NRG4: variants seen among roughly 807,000 people sequenced by gnomAD.
NRG4 encodes neuregulin 4, also known as pro-neuregulin-4, membrane-bound isoform.
Under a neutral mutation model 15.0 loss-of-function variants are expected in NRG4, and 10 were observed. That is an observed-to-expected ratio of 0.67 (90% CI 0.41 to 1.13). The LOEUF is 1.13. Among genes scored for constraint, NRG4 ranks in the 50% most tolerant of loss-of-function variants. The probability of loss-of-function intolerance (pLI) is 0.00; values close to 1 mark genes in which losing one functional copy is unlikely to be tolerated. For missense variants in NRG4, 139 were observed against 140.2 expected (o/e 0.99, Z 0.04); for synonymous variants, 41 against 50.1 (o/e 0.82, Z 0.77).
intron 2 of NRG4, among the ~76,000 whole-genome samples, chr15:76,055,152 G>C (rs60973512): frequency 0.012 from 1,781 of 152,238 alleles, 38 homozygotes; most frequent in African/African-American, 0.041. Flanking sequence ...GCGTGGTGCT[G>C]GGCGCCTGTA....
At chr15:76,021,604 G>T (rs2141928008) in intron 5 of NRG4, among the ~76,000 whole-genome samples, 1 of 152,234 alleles carries the variant, frequency 6.6e-6, no homozygotes, top group South Asian at 2.1e-4. Flanking sequence ...AACAAAATCA[G>T]TATCTTTTAT....
intron 2 of NRG4, among the ~76,000 whole-genome samples, chr15:76,054,021 AAACTG>A (rs1439723916): frequency 6.6e-6 from 1 of 150,966 alleles, no homozygotes; most frequent in Non-Finnish European, 1.5e-5. Flanking sequence ...ACTCACTTAA[AAACTG>A]AATACCATTC....
At chr15:75,951,555 A>G (rs2031906385) in intron 5 of NRG4, among the ~76,000 whole-genome samples, 1 of 152,184 alleles carries the variant, frequency 6.6e-6, no homozygotes, top group Non-Finnish European at 1.5e-5. Flanking sequence ...AGCATATCAC[A>G]TTAATTTTTA....
intron 3 of NRG4, among the ~76,000 whole-genome samples, chr15:75,974,019 C>T (rs2033240995): frequency 6.6e-6 from 1 of 152,070 alleles, no homozygotes; most frequent in South Asian, 2.1e-4. Flanking sequence ...GGTGGGTAGG[C>T]TATTAATTAC....
chr15:76,021,570 T>C (rs2035156588), intron 5 of NRG4, among the ~76,000 whole-genome samples: 1 of 152,220 alleles, frequency 6.6e-6, no homozygotes, highest in Non-Finnish European at 1.5e-5. Context: ...TGTATGGTGT[T>C]TGAATTTCAA....
downstream of NRG4, chr15:75,938,085 A>G (rs1180751215): frequency 2.0e-5 from 3 of 152,220 alleles, no homozygotes; most frequent in Non-Finnish European, 2.9e-5. Context: ...AAGCAGGCCA[A>G]AGTAAGTATT....
Position 75,977,216 on chromosome 15 carries a change from G to A in NRG4, c.105-15242C>T, listed in dbSNP as rs2033408809. Among the ~76,000 whole-genome samples the A allele has an allele frequency of 6.6e-6, 1 of 152,210 alleles. No individual in the cohort carries two copies. The highest frequency in any genetic ancestry group is 2.4e-5 in the African/African-American group (1 of 41,450). Reference sequence around the variant, plus strand: ...CAGGTCGACTTCAGACTGCTGTGCTGGCAGCGAGAATTTCAAGCCAGTGGA... The same window carrying A: ...CAGGTCGACTTCAGACTGCTGTGCTAGCAGCGAGAATTTCAAGCCAGTGGA... On this transcript the variant is annotated intron_variant, in intron 3 of 5. Coordinates refer to ENST00000394907, the MANE Select transcript of NRG4 (RefSeq NM_138573.4). The surrounding 1 kb of genome is among the most constrained non-coding windows in gnomAD (Gnocchi z 4.9).
In NRG4 at chr15:76,011,304, G is replaced by C. The variant is rs979437442; in HGVS notation, c.-56-18C>G. 8.0e-7 allele frequency: 1 copy of C among 1,243,886 alleles called. No homozygotes were observed. The highest frequency in any genetic ancestry group is 2.8e-5 in the East Asian group (1 of 35,310). The allele number at this position is 1,243,886 out of a possible 1,614,324, so 77.1% of individuals were successfully genotyped here. A position where few individuals can be genotyped will look rare whatever the true frequency, so the allele number is the denominator to read the frequency against. ...AACAGTACCTAAAACGGTTTAAAAA[G>C]TAATAATTCAGGGAAAATAGTCTTC... On this transcript the variant is annotated intron_variant, in intron 1 of 5. Coordinates refer to ENST00000394907, the MANE Select transcript of NRG4 (RefSeq NM_138573.4).
chr15:76,000,124 T>C (rs1360759061), intron 3 of NRG4, among the ~76,000 whole-genome samples: 3 of 152,084 alleles, frequency 2.0e-5, no homozygotes, highest in Non-Finnish European at 4.4e-5. Flanking sequence ...CCTCAGATGA[T>C]CCACCCACCT....
intron 3 of NRG4, among the ~76,000 whole-genome samples, chr15:76,008,833 T>C (rs1437481582): frequency 6.6e-6 from 1 of 152,204 alleles, no homozygotes; most frequent in African/African-American, 2.4e-5. Context: ...AAATAAAATA[T>C]ATCATATTAG....
chr15:76,054,112 G>A lies in NRG4; in HGVS notation c.-261-1129C>T, dbSNP rs137932312. On this transcript the variant is annotated intron_variant, in intron 2 of 8. Coordinates refer to the NRG4 transcript ENST00000563910. The stretch of plus-strand genomic sequence containing the variant: ...GAGGGATTTCTTTCTTTTTGAGATG[G>A]GGTGTCACACTGTCACCCAGGCTGG... Among the ~76,000 whole-genome samples, 1,021 of 150,388 alleles carry A rather than the reference G, an allele frequency of 6.8e-3. 74 individuals carry two copies. Among genetic ancestry groups the A allele is most frequent in the African/African-American group, 0.023 (923 of 40,212 alleles).
intron 3 of NRG4, among the ~76,000 whole-genome samples, chr15:75,978,362 C>G (rs954073298): frequency 6.6e-6 from 1 of 152,156 alleles, no homozygotes; most frequent in African/African-American, 2.4e-5. Flanking sequence ...ATTCATGTTG[C>G]TGCACATGAC....
intron 3 of NRG4, among the ~76,000 whole-genome samples, chr15:75,972,926 A>G (rs1229624581): frequency 6.6e-6 from 1 of 152,180 alleles, no homozygotes; most frequent in Non-Finnish European, 1.5e-5. Context: ...TGGTAGCTTG[A>G]CAGGGATAGC....
chr15:76,021,418 C>T (rs1031813458), intron 5 of NRG4, among the ~76,000 whole-genome samples: 2 of 152,164 alleles, frequency 1.3e-5, no homozygotes, highest in Non-Finnish European at 2.9e-5. Flanking sequence ...TATAAACATA[C>T]CTTTTATATG....
In NRG4 at chr15:75,942,189, A is replaced by G. The variant is rs1457036979; in HGVS notation, c.*1449T>C. 1 of 151,978 alleles carries G rather than the reference A, an allele frequency of 6.6e-6. No homozygotes were observed. The highest frequency in any genetic ancestry group is 2.4e-5 in the African/African-American group (1 of 41,374). The allele number at this position is 151,978 out of a possible 1,614,324, so 9.4% of individuals were successfully genotyped here. A position where few individuals can be genotyped will look rare whatever the true frequency, so the allele number is the denominator to read the frequency against. On this transcript the variant is annotated 3_prime_UTR_variant, in exon 6 of 6. Coordinates refer to ENST00000394907, the MANE Select transcript of NRG4 (RefSeq NM_138573.4). The stretch of plus-strand genomic sequence containing the variant: ...GGAGGGGTAAATACATGGAGTAGAG[A>G]TTTTTAGGGTGGTGAAACTACTGTA...
At chr15:75,963,473 G>T (rs2032632282) in intron 3 of NRG4, among the ~76,000 whole-genome samples, 1 of 151,902 alleles carries the variant, frequency 6.6e-6, no homozygotes, top group African/African-American at 2.4e-5. Flanking sequence ...GTGAGACCTT[G>T]TCTTTACAAA....
chr15:76,028,843 G>T (rs1162707815), intron 5 of NRG4, among the ~76,000 whole-genome samples: 1 of 147,086 alleles, frequency 6.8e-6, no homozygotes, highest in East Asian at 2.1e-4. Context: ...AAGGTAGGTT[G>T]CAGTGAACTG....
chr15:76,052,450 T>C (rs2036043791), intron 3 of NRG4, among the ~76,000 whole-genome samples: 1 of 151,098 alleles, frequency 6.6e-6, no homozygotes, highest in Non-Finnish European at 1.5e-5. Context: ...TAGAATTTTA[T>C]TAAAAGATCA....
At chr15:75,978,382 T>C (rs750415222) in intron 3 of NRG4, among the ~76,000 whole-genome samples, 1 of 152,050 alleles carries the variant, frequency 6.6e-6, no homozygotes, top group African/African-American at 2.4e-5. Context: ...CGGGACTTCA[T>C]TTTTTTTATG....
Sources: allele counts gnomAD v4.1 joint callset (sites outside exome capture counted in the v4.1 genomes callset), GRCh38; gene constraint gnomAD v4.1.1; non-coding constraint Gnocchi (gnomAD v3.1); transcripts MANE v1.5; gene names NCBI Gene and HGNC (gene_info 2026-07-23, HGNC 2026-07-21).